USP6NL: variants seen among roughly 807,000 people sequenced by gnomAD.
The protein encoded by USP6NL is USP6 N-terminal like.
A neutral mutation model predicts 61.9 loss-of-function variants in USP6NL; 26 were observed. The ratio of observed to expected loss-of-function variants is 0.42; its 90% CI spans 0.31 to 0.58. The LOEUF is 0.58. Among genes scored for constraint, USP6NL ranks in the 20% least tolerant of loss-of-function variants. The pLI is 0.16. For synonymous variants in USP6NL, 432 were observed against 390.1 expected, an observed-to-expected ratio of 1.11 and a Z score of -1.27; for missense variants, 1,114 against 1,034.3, an observed-to-expected ratio of 1.08 and a Z score of -1.06.
Position 11,462,081 on chromosome 10 carries a change from T to A in USP6NL, c.*360A>T, listed in dbSNP as rs1338283045. On this transcript the variant is annotated 3_prime_UTR_variant, in exon 15 of 15. Coordinates refer to ENST00000609104, the MANE Select transcript of USP6NL (RefSeq NM_014688.5). Reference sequence around the variant, plus strand: ...CCTTAAAAATATCTATTCTACAGTTTTTTCAGTACTTTGTAACATTAGTCA... The same window carrying A: ...CCTTAAAAATATCTATTCTACAGTTATTTCAGTACTTTGTAACATTAGTCA... 9.3e-6 allele frequency: 2 copies of A among 214,996 alleles called. No homozygotes were observed. The highest frequency in any genetic ancestry group is 1.9e-5 in the Non-Finnish European group (2 of 107,920). The allele number at this position is 214,996 out of a possible 1,614,324, so 13.3% of individuals were successfully genotyped here. A position where few individuals can be genotyped will look rare whatever the true frequency, so the allele number is the denominator to read the frequency against.
At chr10:11,580,386 T>C (rs1334536539) in intron 2 of USP6NL, among the ~76,000 whole-genome samples, 2 of 152,220 alleles carry the variant, frequency 1.3e-5, no homozygotes, top group Non-Finnish European at 2.9e-5. Flanking sequence ...AGTAATTTTA[T>C]ATTAACAAAT....
chr10:11,462,587 A>G lies in USP6NL; in HGVS notation c.2341T>C (p.Ser781Pro). The G allele has an allele frequency of 1.2e-6, 2 of 1,613,986 alleles. No homozygotes were observed. Among genetic ancestry groups the G allele is most frequent in the South Asian group, 1.1e-5 (1 of 91,084 alleles). ...TTATATCTCACGGGACTATCTACAG[A>G]AACTGCAGGGAGGCCATGGTCCTGA... ...PFQDHGLPAV[S>P]VDSPVRYKAS... is the part of the protein sequence containing the mutation. The change falls in exon 15 of 15, where the codon TCT becomes CCT. Residue 781 changes from serine to proline, a missense_variant. Physicochemically the swap from Ser to Pro is moderately conservative, Grantham distance 74 (BLOSUM62 -1). Coordinates refer to ENST00000609104, the MANE Select transcript of USP6NL (RefSeq NM_014688.5).
At chr10:11,538,112 T>C (rs866725096) in intron 2 of USP6NL, among the ~76,000 whole-genome samples, 1 of 152,186 alleles carries the variant, frequency 6.6e-6, no homozygotes, top group Non-Finnish European at 1.5e-5. Flanking sequence ...TAAGTTAAAA[T>C]TTTTTCTCAC....
In USP6NL at chr10:11,537,540, A is replaced by ATT. The variant is rs1327172756; in HGVS notation, c.5-9975_5-9974dup. Among the ~76,000 whole-genome samples the ATT allele has an allele frequency of 6.6e-6, 1 of 152,206 alleles. No individual in the cohort carries two copies. The highest frequency in any genetic ancestry group is 1.5e-5 in the Non-Finnish European group (1 of 68,032). ...TGATTTATACCTTCCCATTCAAAAT[A>ATT]TTTCTCGTATCACCAATAGCATTAT... On this transcript the variant is annotated intron_variant, in intron 2 of 14. Coordinates refer to ENST00000609104, the MANE Select transcript of USP6NL (RefSeq NM_014688.5). This position sits in a 1 kb window ranked among gnomAD's most constrained non-coding sequence, Gnocchi z 5.1.
intron 2 of USP6NL, among the ~76,000 whole-genome samples, chr10:11,556,218 T>A (rs1202130678): frequency 1.3e-5 from 2 of 152,168 alleles, no homozygotes; most frequent in Non-Finnish European, 2.9e-5. Context: ...AAAACAGACA[T>A]CAGTACTAAT....
chr10:11,599,582 T>C (rs542578397), intron 1 of USP6NL, among the ~76,000 whole-genome samples: 88 of 152,342 alleles, frequency 5.8e-4, no homozygotes, highest in African/African-American at 1.7e-3. Flanking sequence ...ACACAAATTT[T>C]ATAGTTTGCA....
At position 11,561,585 on chromosome 10, in the gene USP6NL, T is replaced by A. The variant is rs1353803796; in HGVS notation, c.5-34018A>T. Among the ~76,000 whole-genome samples the A allele has an allele frequency of 6.6e-6, 1 of 152,222 alleles. No individual in the cohort carries two copies. Among genetic ancestry groups the A allele is most frequent in the Non-Finnish European group, 1.5e-5 (1 of 68,032 alleles). ...TTACTCTTCTTAATACTATTGTACT[T>A]CACTATATGGATTTGCCATAATGCA... is the stretch of plus-strand genomic sequence containing the variant. On this transcript the variant is annotated intron_variant, in intron 2 of 14. Coordinates refer to ENST00000609104, the MANE Select transcript of USP6NL (RefSeq NM_014688.5). This position sits in a 1 kb window ranked among gnomAD's most constrained non-coding sequence, Gnocchi z 4.1.
intron 2 of USP6NL, chr10:11,573,436 A>T (rs1026216250): frequency 1.0e-5 from 4 of 387,624 alleles, no homozygotes; most frequent in African/African-American, 2.1e-5. Context: ...ATAATGAGGC[A>T]TGTTAACAAT....
intron 2 of USP6NL, among the ~76,000 whole-genome samples, chr10:11,580,994 A>T (rs1253476762): frequency 6.6e-6 from 1 of 152,152 alleles, no homozygotes; most frequent in East Asian, 1.9e-4. Flanking sequence ...TCTAAAGCAA[A>T]ATTATACTAT....
At chr10:11,544,567 A>G (rs938143178) in intron 2 of USP6NL, among the ~76,000 whole-genome samples, 3 of 151,920 alleles carry the variant, frequency 2.0e-5, no homozygotes, top group African/African-American at 7.3e-5. Flanking sequence ...GGCTCACTGC[A>G]ACCTCATCCT....
intron 2 of USP6NL, among the ~76,000 whole-genome samples, chr10:11,552,550 T>C (rs1247522848): frequency 6.6e-6 from 1 of 152,218 alleles, no homozygotes. Flanking sequence ...TGTAAGAGTA[T>C]AACTAACTGC....
Position 11,482,017 on chromosome 10 carries a change from T to TA in USP6NL, c.926-96dup. The TA allele has an allele frequency of 7.8e-7, 1 of 1,284,074 alleles. No homozygotes were observed. The allele number at this position is 1,284,074 out of a possible 1,614,324, so 79.5% of individuals were successfully genotyped here. A position where few individuals can be genotyped will look rare whatever the true frequency, so the allele number is the denominator to read the frequency against. On this transcript the variant is annotated intron_variant, in intron 13 of 14. Transcript: ENST00000609104. This position sits in a 1 kb window ranked among gnomAD's most constrained non-coding sequence, Gnocchi z 4.0. ...ATTCAGGTGTAGTGTAAAAGGGCAT[T>TA]AAAAAGGGCGCAAGCAGCATACAAC...
chr10:11,500,780 C>G (rs1044155867), intron 7 of USP6NL, among the ~76,000 whole-genome samples: 2 of 152,108 alleles, frequency 1.3e-5, no homozygotes, highest in Non-Finnish European at 2.9e-5. Flanking sequence ...AAACAAGCAG[C>G]TATAATTAGG....
At chr10:11,566,056 G>T (rs1398589631) in intron 2 of USP6NL, among the ~76,000 whole-genome samples, 3 of 152,096 alleles carry the variant, frequency 2.0e-5, no homozygotes, top group Non-Finnish European at 2.9e-5. Flanking sequence ...AACAACAAAG[G>T]CAGTGATTAA....
At position 11,462,929 on chromosome 10, in the gene USP6NL, A is replaced by G; in HGVS notation, c.1999T>C (p.Ser667Pro). 1 of 1,613,496 alleles carries G rather than the reference A, an allele frequency of 6.2e-7. No individual in the cohort carries two copies. Among genetic ancestry groups the G allele is most frequent in the Non-Finnish European group, 8.5e-7 (1 of 1,179,654 alleles). The change falls in exon 15 of 15, where the codon TCC becomes CCC. Residue 667 changes from serine to proline, a missense_variant. Transcript: ENST00000609104. ...QFSPGTQLNPSRRPHGSTLSV... is the reference protein window; with the variant it reads ...QFSPGTQLNPPRRPHGSTLSV... ...AGAGTAGAACCATGAGGTCTCCTGGAAGGATTCAGTTGAGTCCCAGGGCTA... is the reference window on the plus strand; with the variant it reads ...AGAGTAGAACCATGAGGTCTCCTGGGAGGATTCAGTTGAGTCCCAGGGCTA...
Position 11,461,740 on chromosome 10 carries a change from G to A in USP6NL, c.*701C>T, listed in dbSNP as rs1008982362. ...CCCGATTTTTAAGCACCATTAAGTG[G>A]TTAGCCTTTCTCTCCAATGTCTTTA... is the stretch of plus-strand genomic sequence containing the variant. On this transcript the variant is annotated 3_prime_UTR_variant, in exon 15 of 15. Transcript: ENST00000609104. The A allele has an allele frequency of 6.6e-6, 1 of 152,240 alleles. No homozygotes were observed. Among genetic ancestry groups the A allele is most frequent in the African/African-American group, 2.4e-5 (1 of 41,444 alleles). 9.4% of individuals were successfully genotyped at this position (152,240 alleles called of 1,614,324 possible). A position where few individuals can be genotyped will look rare whatever the true frequency, so the allele number is the denominator to read the frequency against.
At chr10:11,605,150 A>G (rs1838664502) in intron 1 of USP6NL, among the ~76,000 whole-genome samples, 1 of 152,244 alleles carries the variant, frequency 6.6e-6, no homozygotes, top group Non-Finnish European at 1.5e-5. Flanking sequence ...AATCTGAAAT[A>G]GAAAGCAAGG....
intron 2 of USP6NL, among the ~76,000 whole-genome samples, chr10:11,555,433 A>AAAAAAAAAAAAAAAT (rs1275798295): frequency 4.1e-5 from 2 of 49,028 alleles, no homozygotes; most frequent in Non-Finnish European, 6.8e-5. Context: ...AAAAAAAAAA[A>AAAAAAAAAAAAAAAT]ATATATATAT....
At chr10:11,483,813 T>C (rs368832058) in intron 13 of USP6NL, among the ~76,000 whole-genome samples, 4 of 151,992 alleles carry the variant, frequency 2.6e-5, no homozygotes, top group African/African-American at 9.7e-5. Flanking sequence ...TCTGGTGCAT[T>C]AGTTGGGGAA....
Sources: gnomAD v4.1 joint callset for allele counts (sites outside exome capture counted in the v4.1 genomes callset) on GRCh38, gnomAD v4.1.1 for gene constraint, Gnocchi (gnomAD v3.1) non-coding constraint, MANE v1.5 for transcripts, NCBI Gene and HGNC (gene_info 2026-07-23, HGNC 2026-07-21) for gene names.